Variants in UBE3C observed in about 807,000 individuals in gnomAD.
The protein encoded by UBE3C is ubiquitin-protein ligase E3C.
A neutral mutation model predicts 129.4 loss-of-function variants in UBE3C; 42 were observed. The observed-to-expected ratio is 0.32, with a 90% confidence interval of 0.25 to 0.42. UBE3C has a LOEUF of 0.42. Ranked by LOEUF, UBE3C falls within the 10% of genes least tolerant of loss-of-function variation. UBE3C has a pLI of 1.00. For missense variants in UBE3C, 1,049 were observed against 1,319.1 expected, an observed-to-expected ratio of 0.80 and a Z score of 3.17; for synonymous variants, 510 against 492.4, an observed-to-expected ratio of 1.04 and a Z score of -0.47.
chr7:157,140,590 C>T (rs1397843568), intron 1 of UBE3C, among the ~76,000 whole-genome samples: 1 of 152,312 alleles, frequency 6.6e-6, no homozygotes, highest in East Asian at 1.9e-4. Context: ...GCCAAATCGC[C>T]TTGCTTACAA....
intron 1 of UBE3C, among the ~76,000 whole-genome samples, chr7:157,161,996 G>A (rs1166284798): frequency 6.6e-6 from 1 of 151,730 alleles, no homozygotes; most frequent in Non-Finnish European, 1.5e-5. Context: ...CTTGAAACCG[G>A]GAGGCAGAGG....
Position 157,169,032 on chromosome 7 carries a change from T to C in UBE3C, c.121-16T>C, listed in dbSNP as rs376001864. 2.2e-4 allele frequency: 354 copies of C among 1,610,226 alleles called. No individual in the cohort carries two copies. The highest frequency in any genetic ancestry group is 2.9e-4 in the Non-Finnish European group (337 of 1,176,854). ...TTCTGACCAATTGCTCCCTCACTCC[T>C]CCTTTTATTGTTTAGGAAGAAAGGC... On this transcript the variant is annotated splice_polypyrimidine_tract_variant and intron_variant, in intron 2 of 22. Transcript: ENST00000348165.
At chr7:157,174,700 C>T (rs909987746) in intron 4 of UBE3C, among the ~76,000 whole-genome samples, 10 of 152,098 alleles carry the variant, frequency 6.6e-5, no homozygotes, top group Non-Finnish European at 1.3e-4. Context: ...GATCTGCCTG[C>T]CTCAGCCTCC....
intron 1 of UBE3C, among the ~76,000 whole-genome samples, chr7:157,152,955 G>A (rs2116821179): frequency 6.6e-6 from 1 of 152,222 alleles, no homozygotes; most frequent in South Asian, 2.1e-4. Context: ...TAGCACTTTG[G>A]GAGGCTGAGG....
intron 1 of UBE3C, among the ~76,000 whole-genome samples, chr7:157,151,626 T>G (rs900794299): frequency 5.2e-4 from 79 of 152,294 alleles, no homozygotes; most frequent in Non-Finnish European, 5.0e-4. Flanking sequence ...ATTAAGCCGT[T>G]TAAGTGTCTT....
At chr7:157,215,369 G>A (rs1259401175) in intron 13 of UBE3C, among the ~76,000 whole-genome samples, 2 of 151,600 alleles carry the variant, frequency 1.3e-5, no homozygotes, top group East Asian at 1.9e-4. Flanking sequence ...TTCATTGTAT[G>A]TAAATGCTAA....
chr7:157,151,144 G>A (rs1435404390), intron 1 of UBE3C, among the ~76,000 whole-genome samples: 1 of 152,254 alleles, frequency 6.6e-6, no homozygotes, highest in Admixed American at 6.5e-5. Flanking sequence ...CTAAAGGGCA[G>A]CAGTAGCAAA....
intron 13 of UBE3C, among the ~76,000 whole-genome samples, chr7:157,213,871 A>G (rs560455688): frequency 1.3e-5 from 2 of 152,328 alleles, no homozygotes; most frequent in South Asian, 4.1e-4. Flanking sequence ...CAATTACTTT[A>G]AAAAATGTAG....
chr7:157,207,642 C>G, intron 12 of UBE3C, 61 bp from the exon 13 acceptor site: 2 of 1,591,776 alleles, frequency 1.3e-6, no homozygotes, highest in East Asian at 2.2e-5. Context: ...CTTTTTAAGT[C>G]TTTCAGTGTG....
At position 157,182,244 on chromosome 7, in the gene UBE3C, T is replaced by C. The variant is rs1401837586; in HGVS notation, c.907T>C (p.Leu303=). The part of the protein sequence containing the change: ...PYEPFLNALL[L]IESRCSRKSG... ...CGAGCCCTTTCTGAATGCACTGTTGTTAATAGAGAGTAGATGTTCAAGAAA... is the reference window on the plus strand; with the variant it reads ...CGAGCCCTTTCTGAATGCACTGTTGCTAATAGAGAGTAGATGTTCAAGAAA... The change falls in exon 8 of 23, where the codon TTA becomes CTA. Residue 303 remains leucine (L), a synonymous_variant. Coordinates refer to ENST00000348165, the MANE Select transcript of UBE3C (RefSeq NM_014671.3). The C allele has an allele frequency of 1.2e-6, 2 of 1,614,220 alleles. No homozygotes were observed. The highest frequency in any genetic ancestry group is 1.7e-5 in the Admixed American group (1 of 60,030).
At chr7:157,167,304 A>G (rs1808244306) in intron 2 of UBE3C, among the ~76,000 whole-genome samples, 1 of 152,088 alleles carries the variant, frequency 6.6e-6, no homozygotes. Flanking sequence ...CTTGAATCCC[A>G]CAGTGTGTGT....
intron 18 of UBE3C, among the ~76,000 whole-genome samples, chr7:157,235,054 G>A (rs1796118208): frequency 6.6e-6 from 1 of 152,118 alleles, no homozygotes; most frequent in Admixed American, 6.5e-5. Context: ...AGCTGGGCGT[G>A]GTGGTGCATG....
At chr7:157,160,574 A>G (rs553170464) in intron 1 of UBE3C, among the ~76,000 whole-genome samples, 93 of 152,276 alleles carry the variant, frequency 6.1e-4, no homozygotes, top group African/African-American at 2.2e-3. Context: ...ACCAAGTAGT[A>G]GTTCATTATG....
intron 4 of UBE3C, among the ~76,000 whole-genome samples, chr7:157,172,878 G>C (rs568680662): frequency 6.6e-6 from 1 of 152,194 alleles, no homozygotes. Flanking sequence ...TATTGCCTTT[G>C]AGTGAGGTCC....
intron 10 of UBE3C, chr7:157,198,344 A>G (rs1403525769): frequency 1.3e-5 from 10 of 784,310 alleles, no homozygotes; most frequent in Non-Finnish European, 2.1e-5. Context: ...ATCTTCATAC[A>G]GTTCTTCCAA....
At chr7:157,231,362 C>A in intron 18 of UBE3C, 35 bp downstream of exon 18, 3 of 1,602,652 alleles carry the variant, frequency 1.9e-6, no homozygotes, top group Non-Finnish European at 2.6e-6. Flanking sequence ...AGACCTCGGA[C>A]CAAAAGATGT....
intron 1 of UBE3C, among the ~76,000 whole-genome samples, chr7:157,149,813 T>C (rs925788300): frequency 3.9e-5 from 6 of 152,222 alleles, no homozygotes; most frequent in Admixed American, 3.9e-4. Context: ...TGTAGGCACC[T>C]AGGAATTTGG....
intron 11 of UBE3C, among the ~76,000 whole-genome samples, chr7:157,206,100 TTGA>T (rs779754684): frequency 7.2e-5 from 11 of 152,056 alleles, no homozygotes; most frequent in Non-Finnish European, 1.2e-4. Context: ...TAACCTGTGA[TTGA>T]TTTGACTTGG....
chr7:157,156,660 C>A (rs1807916211), intron 1 of UBE3C, among the ~76,000 whole-genome samples: 1 of 150,690 alleles, frequency 6.6e-6, no homozygotes, highest in African/African-American at 2.4e-5. Flanking sequence ...CACATCCTGT[C>A]AGAGCTGTTC....
Sources: allele counts gnomAD v4.1 joint callset (sites outside exome capture counted in the v4.1 genomes callset), GRCh38; gene constraint gnomAD v4.1.1; transcripts MANE v1.5; gene names NCBI Gene and HGNC (gene_info 2026-07-23, HGNC 2026-07-21).